Variants in SENP5 observed in about 807,000 individuals in gnomAD.
The protein encoded by SENP5 is sentrin-specific protease 5.
SENP5 carries 21 observed loss-of-function variants against 74.2 expected under a neutral mutation model. The observed-to-expected ratio is 0.28, with a 90% CI of 0.20 to 0.41. The LOEUF (loss-of-function observed/expected upper bound fraction) is 0.41, where lower values mean the gene tolerates loss of function less well. Ranked by LOEUF, SENP5 falls within the 10% of genes least tolerant of loss-of-function variation. The pLI, the probability that SENP5 is intolerant of heterozygous loss-of-function variation, is 1.00. For missense variants in SENP5, 717 were observed against 889.1 expected (o/e 0.81, Z 2.46); for synonymous variants, 311 against 312.7 (o/e 0.99, Z 0.06).
At chr3:196,900,512 T>C in intron 5 of SENP5, 100 bp downstream of exon 5, 1 of 971,362 alleles carries the variant, frequency 1.0e-6, no homozygotes. Context: ...TGACATTCCT[T>C]AAATTTTTTA....
intron 1 of SENP5, among the ~76,000 whole-genome samples, chr3:196,876,713 C>CAA (rs34016373): frequency 6.5e-5 from 7 of 108,182 alleles, no homozygotes; most frequent in East Asian, 3.3e-4. Context: ...CGTATTTCTA[C>CAA]AAAAAAAAAA....
At chr3:196,906,626 T>G (rs892673580) in intron 6 of SENP5, among the ~76,000 whole-genome samples, 1 of 152,112 alleles carries the variant, frequency 6.6e-6, no homozygotes, top group African/African-American at 2.4e-5. Flanking sequence ...TAGGGGTATG[T>G]GAAACATAGG....
At chr3:196,924,654 G>C (rs376134668) in intron 7 of SENP5, among the ~76,000 whole-genome samples, 7 of 152,180 alleles carry the variant, frequency 4.6e-5, no homozygotes, top group South Asian at 2.1e-4. Flanking sequence ...GCCGCTTGGG[G>C]ATAGTTGCAG....
At chr3:196,921,499 T>C (rs1193249278) in intron 6 of SENP5, among the ~76,000 whole-genome samples, 1 of 152,196 alleles carries the variant, frequency 6.6e-6, no homozygotes, top group Non-Finnish European at 1.5e-5. Flanking sequence ...ATTTTCTAAT[T>C]TTTATACAAA....
At chr3:196,909,338 G>A (rs1236899047) in intron 6 of SENP5, among the ~76,000 whole-genome samples, 1 of 152,192 alleles carries the variant, frequency 6.6e-6, no homozygotes, top group East Asian at 1.9e-4. Flanking sequence ...GAGGTACAAA[G>A]AGGAGCTGAT....
chr3:196,901,864 AC>A (rs1714715302), intron 5 of SENP5, among the ~76,000 whole-genome samples: 1 of 152,220 alleles, frequency 6.6e-6, no homozygotes, highest in Admixed American at 6.5e-5. Context: ...TCAAAAGGAC[AC>A]TTAACTAAGG....
chr3:196,908,443 T>C (rs971557492), intron 6 of SENP5, among the ~76,000 whole-genome samples: 1 of 152,048 alleles, frequency 6.6e-6, no homozygotes, highest in African/African-American at 2.4e-5. Context: ...GCTAAAGCAG[T>C]GTTAAGAGGG....
At chr3:196,868,169 C>G (rs947573292) in intron 1 of SENP5, 96 bp downstream of exon 1, 10 of 152,290 alleles carry the variant, frequency 6.6e-5, no homozygotes, top group Admixed American at 5.2e-4. Context: ...CCTCAGCGCC[C>G]GGTCCGGAGG....
rs749526275 is a variant in SENP5 at position 196,886,060 on chromosome 3, C to T, written c.879C>T (p.Ser293=). Residue 293 remains serine (S), a synonymous_variant, in exon 2 of 10, where the codon TCC becomes TCT. Transcript: ENST00000323460. ...GEGGSCSPFP[S]PEPKDPSCRH... is the part of the protein sequence containing the mutation. ...GTGGCAGTTGCAGCCCATTTCCTTC[C>T]CCAGAACCTAAAGACCCTTCTTGTC... The T allele has an allele frequency of 6.2e-7, 1 of 1,614,174 alleles. No homozygotes were observed. The highest frequency in any genetic ancestry group is 1.1e-5 in the South Asian group (1 of 91,074).
At position 196,886,026 on chromosome 3, in the gene SENP5, A is replaced by G. The variant is rs1713951022; in HGVS notation, c.845A>G (p.Asn282Ser). 1 of 1,614,162 alleles carries G rather than the reference A, an allele frequency of 6.2e-7. No individual in the cohort carries two copies. Among genetic ancestry groups the G allele is most frequent in the Non-Finnish European group, 8.5e-7 (1 of 1,180,022 alleles). The change falls in exon 2 of 10, where the codon AAC (asparagine) becomes AGC (serine). Residue 282 changes from asparagine (N) to serine (S), a missense_variant. By Grantham distance (46) the Asn-to-Ser change is conservative. This residue lies in a region of SENP5 where 567 missense variants were observed against 577.4 expected (regional missense o/e 0.98). Transcript: ENST00000323460. ...TGDHQETRRE[N>S]GEGGSCSPFP... Reference sequence around the variant, plus strand: ...GACCATCAAGAGACCCGTAGGGAGAACGGTGAGGGTGGCAGTTGCAGCCCA... The same window carrying G: ...GACCATCAAGAGACCCGTAGGGAGAGCGGTGAGGGTGGCAGTTGCAGCCCA...
intron 1 of SENP5, among the ~76,000 whole-genome samples, chr3:196,869,482 C>T (rs1191735471): frequency 1.3e-5 from 2 of 149,834 alleles, no homozygotes; most frequent in Non-Finnish European, 3.0e-5. Context: ...TGGGATCAGC[C>T]GGGCGCGGTG....
At chr3:196,875,827 C>G (rs13059428) in intron 1 of SENP5, among the ~76,000 whole-genome samples, 28,922 of 151,882 alleles carry the variant, frequency 0.19, 3,517 homozygotes, top group Non-Finnish European at 0.24. Context: ...CCTCCCATGC[C>G]CAAGCGATCC....
At chr3:196,909,215 G>T (rs1336971330) in intron 6 of SENP5, among the ~76,000 whole-genome samples, 4 of 152,182 alleles carry the variant, frequency 2.6e-5, no homozygotes, top group Admixed American at 2.6e-4. Flanking sequence ...AAATCAGGAA[G>T]AAGTGGAATG....
intron 1 of SENP5, among the ~76,000 whole-genome samples, chr3:196,877,575 AT>A (rs201364945): frequency 1.2e-4 from 18 of 151,676 alleles, no homozygotes; most frequent in African/African-American, 3.6e-4. Flanking sequence ...TTTGCACAGT[AT>A]TTTTTTTTAA....
At chr3:196,884,086 C>T (rs1713842110) in intron 1 of SENP5, among the ~76,000 whole-genome samples, 1 of 152,164 alleles carries the variant, frequency 6.6e-6, no homozygotes, top group South Asian at 2.1e-4. Flanking sequence ...ATAATTTGCT[C>T]ATAGCAAAAT....
chr3:196,899,034 G>A (rs999428861), intron 2 of SENP5, among the ~76,000 whole-genome samples: 5 of 149,916 alleles, frequency 3.3e-5, no homozygotes, highest in Admixed American at 6.7e-5. Flanking sequence ...AGCAGAGATC[G>A]TGCCACTGCA....
At chr3:196,871,619 G>A (rs2108801760) in intron 1 of SENP5, among the ~76,000 whole-genome samples, 1 of 152,128 alleles carries the variant, frequency 6.6e-6, no homozygotes, top group African/African-American at 2.4e-5. Flanking sequence ...CAGCACTTAG[G>A]GAGGCCGAGG....
intron 5 of SENP5, 92 bp from the exon 6 acceptor site, chr3:196,903,441 T>TAC (rs1714781026): frequency 5.3e-6 from 4 of 755,088 alleles, no homozygotes; most frequent in Non-Finnish European, 6.4e-6. Context: ...TTGTCTGCTT[T>TAC]ACATTCAAAC....
At chr3:196,871,679 A>AC (rs1482312091) in intron 1 of SENP5, among the ~76,000 whole-genome samples, 2 of 151,706 alleles carry the variant, frequency 1.3e-5, no homozygotes, top group African/African-American at 4.8e-5. Context: ...ACATAATGAG[A>AC]CCCCATCTCT....
Sources: gnomAD v4.1 joint callset for allele counts (sites outside exome capture counted in the v4.1 genomes callset) on GRCh38, gnomAD v4.1.1 for gene constraint, gnomAD v4.1.1 regional missense constraint, MANE v1.5 for transcripts, NCBI Gene and HGNC (gene_info 2026-07-23, HGNC 2026-07-21) for gene names.